Variants in DNAH14 observed in about 807,000 individuals in gnomAD.
The protein encoded by DNAH14 is axonemal beta dynein heavy chain 14.
DNAH14 carries 478 observed loss-of-function variants against 520.9 expected under a neutral mutation model. That is an observed-to-expected ratio of 0.92 (90% confidence interval 0.85 to 0.99). DNAH14 has a LOEUF of 0.99. DNAH14 is among the 50% of genes least tolerant of loss of function. The probability of loss-of-function intolerance (pLI) is 0.00; values close to 1 mark genes in which losing one functional copy is unlikely to be tolerated. For missense variants in DNAH14, 4,831 were observed against 5,234.5 expected, an observed-to-expected ratio of 0.92 and a Z score of 2.38; for synonymous variants, 1,581 against 1,757.2, an observed-to-expected ratio of 0.90 and a Z score of 2.51.
At chr1:224,978,157 C>G (rs546892485) in intron 8 of DNAH14, among the ~76,000 whole-genome samples, 1 of 152,272 alleles carries the variant, frequency 6.6e-6, no homozygotes, top group Non-Finnish European at 1.5e-5. Flanking sequence ...AATCCCACTA[C>G]TGGGTATTTA....
At chr1:225,198,279 G>A (rs1319794691) in intron 38 of DNAH14, among the ~76,000 whole-genome samples, 2 of 151,258 alleles carry the variant, frequency 1.3e-5, no homozygotes, top group African/African-American at 4.9e-5. Context: ...GTGCAGTGGT[G>A]CGATCTTGGC....
chr1:225,002,584 A>G (rs1322426481), intron 8 of DNAH14, among the ~76,000 whole-genome samples, 199 bp from the exon 9 acceptor site: 2 of 152,066 alleles, frequency 1.3e-5, no homozygotes, highest in Non-Finnish European at 2.9e-5. Context: ...TATTCAACAC[A>G]CCTAGTCCCC....
chr1:225,272,743 CCTCT>C (rs2093347669), intron 51 of DNAH14, among the ~76,000 whole-genome samples: 2 of 152,092 alleles, frequency 1.3e-5, no homozygotes, highest in Non-Finnish European at 2.9e-5. Flanking sequence ...AGTCCCCCTC[CCTCT>C]AAGAGTGATT....
At chr1:225,075,947 T>C (rs1444409693) in intron 17 of DNAH14, among the ~76,000 whole-genome samples, 3 of 107,128 alleles carry the variant, frequency 2.8e-5, no homozygotes, top group Non-Finnish European at 2.3e-5. Context: ...TCTGGAATAG[T>C]TCATGGGCCA....
At position 225,002,495 on chromosome 1, in the gene DNAH14, C is replaced by T. The variant is rs903974548; in HGVS notation, c.831-288C>T. On this transcript the variant is annotated intron_variant, in intron 8 of 85. Transcript: ENST00000682510. The stretch of plus-strand genomic sequence containing the variant: ...GACATATAATTCATTTTACATAATA[C>T]TTCCTCATATTTCAAAATTATTAGA... 3.9e-5 allele frequency among the ~76,000 whole-genome samples: 6 copies of T among 151,958 alleles called. 1 individual carries two copies. Among genetic ancestry groups the T allele is most frequent in the Admixed American group, 3.3e-4 (5 of 15,226 alleles).
chr1:225,168,931 G>T (rs576314910), intron 36 of DNAH14, among the ~76,000 whole-genome samples: 3 of 152,216 alleles, frequency 2.0e-5, no homozygotes, highest in South Asian at 4.1e-4. Flanking sequence ...TCACACGGCC[G>T]GGTACTCCTC....
chr1:225,207,561 A>C (rs1404267107), intron 41 of DNAH14, among the ~76,000 whole-genome samples: 1 of 152,198 alleles, frequency 6.6e-6, no homozygotes, highest in Non-Finnish European at 1.5e-5. Context: ...GTAAGTTGTA[A>C]TCACACAAAG....
chr1:225,292,438 A>G (rs775282881), intron 55 of DNAH14, among the ~76,000 whole-genome samples: 14 of 152,068 alleles, frequency 9.2e-5, no homozygotes, highest in Non-Finnish European at 1.6e-4. Context: ...TGGGTACTCT[A>G]TTCTATTCCA....
At chr1:225,195,201 A>T (rs577993664) in intron 38 of DNAH14, among the ~76,000 whole-genome samples, 3 of 152,138 alleles carry the variant, frequency 2.0e-5, no homozygotes, top group African/African-American at 7.2e-5. Context: ...ATAAAGACAC[A>T]TGCATACATA....
rs186485465 is a variant in DNAH14, at chr1:225,231,408, A to G, written c.6518+257A>G. ...TCTATACATACTTGAGAAAGGAATA[A>G]AATTGAAATGAATTTATTGCATGAA... On this transcript the variant is annotated intron_variant, in intron 42 of 85. Transcript: ENST00000682510. 3.9e-3 allele frequency among the ~76,000 whole-genome samples: 591 copies of G among 152,280 alleles called. 3 individuals are homozygous for G. The highest frequency in any genetic ancestry group is 0.013 in the African/African-American group (555 of 41,578).
At chr1:225,081,250 A>G (rs969549541) in intron 19 of DNAH14, among the ~76,000 whole-genome samples, 69 of 152,212 alleles carry the variant, frequency 4.5e-4, no homozygotes, top group Admixed American at 4.5e-3. Context: ...CACCTGGCCA[A>G]GAGAATATCT....
intron 84 of DNAH14, chr1:225,396,483 C>G (rs1336746893): frequency 6.6e-6 from 1 of 152,020 alleles, no homozygotes; most frequent in African/African-American, 2.4e-5. Context: ...GCTTTGAACC[C>G]ACCAAGTCTA....
At chr1:225,213,253 G>C (rs938591647) in intron 41 of DNAH14, among the ~76,000 whole-genome samples, 1 of 152,080 alleles carries the variant, frequency 6.6e-6, no homozygotes, top group Admixed American at 6.5e-5. Flanking sequence ...GCTCTATTCT[G>C]TTCCATTGGT....
intron 42 of DNAH14, among the ~76,000 whole-genome samples, chr1:225,234,654 A>G (rs1160437299): frequency 1.3e-5 from 2 of 152,134 alleles, no homozygotes; most frequent in African/African-American, 4.8e-5. Context: ...CCTTTTCACA[A>G]TATTGATTCT....
Position 225,252,346 on chromosome 1 carries a change from T to C in DNAH14, c.6794T>C (p.Val2265Ala). 6.5e-7 allele frequency: 1 copy of C among 1,550,156 alleles called. No homozygotes were observed. The highest frequency in any genetic ancestry group is 1.7e-4 in the Middle Eastern group (1 of 5,944). Residue 2265 changes from valine to alanine, a missense_variant, in exon 44 of 86, where the codon GTG becomes GCG. Physicochemically the swap from Val to Ala is moderately conservative, Grantham distance 64 (BLOSUM62 0). Transcript: ENST00000682510. ...TGECSIFGYF[V>A]DIEQCEFIPW... ...GAATGTTCCATCTTTGGATATTTTGTGGATATAGAGCAATGTGAATTCATA... is the reference window on the plus strand; with the variant it reads ...GAATGTTCCATCTTTGGATATTTTGCGGATATAGAGCAATGTGAATTCATA...
chr1:224,929,698 C>T lies in DNAH14; in HGVS notation c.-171C>T. 1.4e-6 allele frequency: 1 copy of T among 702,432 alleles called. No homozygotes were observed. Among genetic ancestry groups the T allele is most frequent in the South Asian group, 1.5e-5 (1 of 67,600 alleles). The allele number at this position is 702,432 out of a possible 1,614,324, so 43.5% of individuals were successfully genotyped here. On this transcript the variant is annotated 5_prime_UTR_variant, in exon 1 of 86. Transcript: ENST00000682510. The stretch of plus-strand genomic sequence containing the variant: ...TGGTCAGGCGGTTACGGCCAGGAGG[C>T]GTCGGAGCCTGGCGTGGTAGGGCTG...
chr1:224,950,976 C>T lies in DNAH14; in HGVS notation c.-33-1694C>T, dbSNP rs2060134791. ...TGTTATATGGTACCTATGTAATAGC[C>T]TCAATTTTGCCTTTTGACTCACAAA... On this transcript the variant is annotated intron_variant, in intron 1 of 85. Coordinates refer to ENST00000682510, the MANE Select transcript of DNAH14 (RefSeq NM_001367479.1). 3.3e-5 allele frequency among the ~76,000 whole-genome samples: 5 copies of T among 152,096 alleles called. No homozygotes were observed. In the South Asian group the frequency reaches 1.0e-3, roughly 32 times the overall value.
At chr1:225,378,041 C>A (rs1332601458) in intron 79 of DNAH14, among the ~76,000 whole-genome samples, 1 of 151,976 alleles carries the variant, frequency 6.6e-6, no homozygotes, top group Non-Finnish European at 1.5e-5. Flanking sequence ...AAATCAGTTT[C>A]TCAATTATCT....
At chr1:225,175,058 C>A (rs2083163058) in intron 36 of DNAH14, among the ~76,000 whole-genome samples, 2 of 152,042 alleles carry the variant, frequency 1.3e-5, no homozygotes, top group South Asian at 4.1e-4. Context: ...TTTTTAATGT[C>A]TTGTTAAATT....
Sources: allele counts gnomAD v4.1 joint callset (sites outside exome capture counted in the v4.1 genomes callset), GRCh38; gene constraint gnomAD v4.1.1; transcripts MANE v1.5; gene names NCBI Gene and HGNC (gene_info 2026-07-23, HGNC 2026-07-21).